The following FHIT variants were observed in gnomAD, a reference collection of about 807,000 sequenced individuals.
FHIT encodes the protein bis(5'-adenosyl)-triphosphatase.
A neutral mutation model predicts 17.9 loss-of-function variants in FHIT; 19 were observed. That is an observed-to-expected ratio of 1.06 (90% CI 0.74 to 1.56). FHIT has a LOEUF of 1.56. Among genes scored for constraint, FHIT ranks in the 40% most tolerant of loss-of-function variants. FHIT has a pLI of 0.00. For synonymous variants in FHIT, 81 were observed against 69.7 expected, an observed-to-expected ratio of 1.16 and a Z score of -0.81; for missense variants, 248 against 189.2, an observed-to-expected ratio of 1.31 and a Z score of -1.82.
chr3:60,171,921 A>T (rs560451113), intron 5 of FHIT, among the ~76,000 whole-genome samples: 4 of 152,198 alleles, frequency 2.6e-5, no homozygotes, highest in African/African-American at 9.6e-5. Flanking sequence ...TTTGTATCAT[A>T]CTACTGGCCT....
At chr3:61,142,649 AAG>A (rs1241467897) in intron 2 of FHIT, among the ~76,000 whole-genome samples, 2 of 152,338 alleles carry the variant, frequency 1.3e-5, no homozygotes, top group Admixed American at 6.5e-5. Flanking sequence ...GACATAGAAA[AAG>A]AAAAAATAAT....
intron 5 of FHIT, among the ~76,000 whole-genome samples, chr3:60,373,254 G>GT (rs1491518329): frequency 5.3e-5 from 8 of 152,292 alleles, no homozygotes; most frequent in African/African-American, 1.9e-4. Context: ...CAGTCCTTGG[G>GT]TGGGGAGGCT....
At chr3:60,472,115 C>T (rs75275722) in intron 5 of FHIT, among the ~76,000 whole-genome samples, 1 of 124,822 alleles carries the variant, frequency 8.0e-6, no homozygotes, top group Non-Finnish European at 1.7e-5. Flanking sequence ...AATATATCCA[C>T]GTAACGTAAC....
chr3:60,044,080 T>C (rs1701553231), intron 5 of FHIT, among the ~76,000 whole-genome samples: 1 of 152,224 alleles, frequency 6.6e-6, no homozygotes, highest in South Asian at 2.1e-4. Context: ...ATTGATTTTT[T>C]GCCTTTGACT....
At chr3:61,079,675 C>T (rs1250742808) in intron 2 of FHIT, among the ~76,000 whole-genome samples, 1 of 152,022 alleles carries the variant, frequency 6.6e-6, no homozygotes, top group South Asian at 2.1e-4. Flanking sequence ...CATGCGTGTG[C>T]ACACACACAC....
chr3:60,085,526 C>A (rs1002693372), intron 5 of FHIT, among the ~76,000 whole-genome samples: 2 of 152,172 alleles, frequency 1.3e-5, no homozygotes, highest in Non-Finnish European at 2.9e-5. Flanking sequence ...AGAGCCAAAG[C>A]AAATTCTAAT....
rs79713636 is a variant in FHIT, at chr3:60,063,428, T to C, written c.104-49276A>G. Among the ~76,000 whole-genome samples, 1,437 of 152,290 alleles carry C rather than the reference T, an allele frequency of 9.4e-3. 17 individuals are homozygous for C. Among genetic ancestry groups the C allele is most frequent in the African/African-American group, 0.033 (1,364 of 41,560 alleles). ...AAAAAATAGTCCATCCAAATTCACA[T>C]TGGTTGAGGAAGCCAGAACACTGAC... On this transcript the variant is annotated intron_variant, in intron 5 of 9. Transcript: ENST00000492590.
intron 5 of FHIT, among the ~76,000 whole-genome samples, chr3:60,052,013 C>T (rs182045500): frequency 6.6e-6 from 1 of 152,112 alleles, no homozygotes; most frequent in Admixed American, 6.5e-5. Flanking sequence ...TCTATTTGCA[C>T]CCCAACTGGA....
chr3:60,434,562 G>A (rs1159075780), intron 5 of FHIT, among the ~76,000 whole-genome samples: 1 of 151,918 alleles, frequency 6.6e-6, no homozygotes, highest in Admixed American at 6.6e-5. Flanking sequence ...ACATTTCCTT[G>A]CCACTGAAAA....
At position 61,091,960 on chromosome 3, in the gene FHIT, A is replaced by G. The variant is rs1008723157; in HGVS notation, c.-163-49861T>C. On this transcript the variant is annotated intron_variant, in intron 2 of 9. Coordinates refer to ENST00000492590, the MANE Select transcript of FHIT (RefSeq NM_002012.4). ...CTAAAAAAAAAAAAAAAAAAAAAAA[A>G]AAAGAAGCAACAGGAGTCAGGCTCC... is the stretch of plus-strand genomic sequence containing the variant. 7.3e-5 allele frequency among the ~76,000 whole-genome samples: 11 copies of G among 150,950 alleles called. 1 individual carries two copies. The highest frequency in any genetic ancestry group is 1.2e-4 in the Non-Finnish European group (8 of 67,710).
chr3:60,605,908 G>A (rs868927228), intron 4 of FHIT, among the ~76,000 whole-genome samples: 38 of 152,148 alleles, frequency 2.5e-4, no homozygotes, highest in African/African-American at 7.7e-4. Context: ...ATATGTATCT[G>A]TAAATAGTAT....
At chr3:60,481,611 A>T (rs551845324) in intron 5 of FHIT, among the ~76,000 whole-genome samples, 1 of 152,314 alleles carries the variant, frequency 6.6e-6, no homozygotes, top group East Asian at 1.9e-4. Context: ...AATCCTTTCC[A>T]GACAAGCAAA....
Position 60,001,147 on chromosome 3 carries a change from T to A in FHIT, c.279+10224A>T, listed in dbSNP as rs75550649. Among the ~76,000 whole-genome samples, 586 of 152,316 alleles carry A rather than the reference T, an allele frequency of 3.8e-3. 8 individuals carry two copies. The highest frequency in any genetic ancestry group is 0.013 in the African/African-American group (560 of 41,576). ...TAGTATTAACCCAAATCTGCAATAT[T>A]TTATTTGTTCCCTTTCACATAAGGG... On this transcript the variant is annotated intron_variant, in intron 7 of 9. Transcript: ENST00000492590.
chr3:59,873,454 T>C (rs946653785), intron 8 of FHIT, among the ~76,000 whole-genome samples: 2 of 152,208 alleles, frequency 1.3e-5, no homozygotes, highest in African/African-American at 2.4e-5. Context: ...AATGGTTCAT[T>C]CCAGCATTCA....
At chr3:59,919,983 T>C (rs562969135) in intron 8 of FHIT, among the ~76,000 whole-genome samples, 1 of 152,284 alleles carries the variant, frequency 6.6e-6, no homozygotes, top group Non-Finnish European at 1.5e-5. Context: ...AAGAGGAAGA[T>C]AAAACTGAGA....
At chr3:60,099,508 T>G (rs769244198) in intron 5 of FHIT, among the ~76,000 whole-genome samples, 2 of 152,160 alleles carry the variant, frequency 1.3e-5, no homozygotes, top group African/African-American at 4.8e-5. Context: ...GCTGTTAACC[T>G]GTACCCTCTA....
At chr3:60,222,550 G>A (rs191117516) in intron 5 of FHIT, among the ~76,000 whole-genome samples, 82 of 152,264 alleles carry the variant, frequency 5.4e-4, no homozygotes, top group African/African-American at 1.8e-3. Context: ...CAGCACTTTC[G>A]GAGGTTGAGG....
At chr3:59,921,015 T>C (rs117018326) in intron 8 of FHIT, among the ~76,000 whole-genome samples, 5,434 of 152,274 alleles carry the variant, frequency 0.036, 117 homozygotes, top group Admixed American at 0.05. Context: ...CGGGACCTCC[T>C]GGGAATTGAG....
chr3:60,764,162 C>G (rs1699764558), intron 4 of FHIT, among the ~76,000 whole-genome samples: 1 of 152,150 alleles, frequency 6.6e-6, no homozygotes, highest in Admixed American at 6.6e-5. Context: ...TCACCTGTCA[C>G]TCCCACCATT....
Sources: allele counts gnomAD v4.1 joint callset (sites outside exome capture counted in the v4.1 genomes callset), GRCh38; gene constraint gnomAD v4.1.1; transcripts MANE v1.5; gene names NCBI Gene and HGNC (gene_info 2026-07-23, HGNC 2026-07-21).